ZNF143: variants seen among roughly 807,000 people sequenced by gnomAD.
The protein encoded by ZNF143 is SPH-binding factor.
In ZNF143, 49 loss-of-function variants were observed where a neutral mutation model predicts 74.1. That is an observed-to-expected ratio of 0.66 (90% CI 0.53 to 0.84). ZNF143 has a LOEUF of 0.84. ZNF143 is among the 40% of genes least tolerant of loss of function. The probability of loss-of-function intolerance (pLI) is 0.00; values close to 1 mark genes in which losing one functional copy is unlikely to be tolerated. For missense variants in ZNF143, 637 were observed against 793.4 expected (o/e 0.80, Z 2.37); for synonymous variants, 304 against 282.8 (o/e 1.07, Z -0.75).
chr11:9,487,498 C>T (rs1847605664), intron 7 of ZNF143, among the ~76,000 whole-genome samples: 1 of 151,304 alleles, frequency 6.6e-6, no homozygotes, highest in African/African-American at 2.5e-5. Context: ...GCTGGGACTA[C>T]AGGCGCCCAC....
chr11:9,522,403 A>G (rs1396920191), intron 14 of ZNF143, among the ~76,000 whole-genome samples: 2 of 151,906 alleles, frequency 1.3e-5, no homozygotes, highest in Non-Finnish European at 2.9e-5. Flanking sequence ...AAAAAAAAAA[A>G]TTTAAATTGT....
At chr11:9,479,997 A>C (rs1267842854) in intron 7 of ZNF143, among the ~76,000 whole-genome samples, 1 of 152,142 alleles carries the variant, frequency 6.6e-6, no homozygotes, top group Admixed American at 6.6e-5. Flanking sequence ...CAACTTCTGA[A>C]GGGAGAGTCC....
rs758635813 is a variant in ZNF143, at chr11:9,478,417, C to T, written c.401C>T (p.Ala134Val). Residue 134 changes from alanine (A) to valine (V), a missense_variant, in exon 6 of 16, where the codon GCG (alanine) becomes GTG (valine). Physicochemically the swap from Ala to Val is moderately conservative, Grantham distance 64 (BLOSUM62 0). This residue lies in a region of ZNF143 where 293 missense variants were observed against 307.8 expected (regional missense o/e 0.95). Transcript: ENST00000396602. ...KDSYDQSALQ[A>V]VQLEDGTTAY... Reference sequence around the variant, plus strand: ...AGTTATGACCAGAGTGCATTACAGGCGGTTCAGCTGGAAGATGGTACCACA... The same window carrying T: ...AGTTATGACCAGAGTGCATTACAGGTGGTTCAGCTGGAAGATGGTACCACA... The T allele has an allele frequency of 3.7e-6, 6 of 1,613,910 alleles. No homozygotes were observed. Among genetic ancestry groups the T allele is most frequent in the Non-Finnish European group, 8.5e-7 (1 of 1,179,974 alleles).
intron 1 of ZNF143, among the ~76,000 whole-genome samples, chr11:9,469,524 G>A (rs1352690782): frequency 6.6e-6 from 1 of 151,242 alleles, no homozygotes; most frequent in Non-Finnish European, 1.5e-5. Flanking sequence ...GAGCCACCGC[G>A]TGCAGCCCAC....
In ZNF143 at chr11:9,495,592, G is replaced by A. The variant is rs568486929; in HGVS notation, c.766-711G>A. Among the ~76,000 whole-genome samples, 3 of 152,160 alleles carry A rather than the reference G, an allele frequency of 2.0e-5. No individual in the cohort carries two copies. The South Asian group carries it at 6.2e-4, about 31-fold the overall frequency. ...TGCACTTAGCATATCTGGAGTAGTG[G>A]CCCTGGGGCCCATCTTCACTATTTA... is the stretch of plus-strand genomic sequence containing the variant. On this transcript the variant is annotated intron_variant, in intron 8 of 15. Transcript: ENST00000396602.
intron 1 of ZNF143, chr11:9,461,968 T>G (rs938535168): frequency 2.0e-5 from 3 of 152,240 alleles, no homozygotes; most frequent in African/African-American, 7.2e-5. Flanking sequence ...AATTGTAGGT[T>G]CGAGATTGTG....
rs1300378176 is a variant in ZNF143 at position 9,496,377 on chromosome 11, A to G, written c.840A>G (p.Thr280=). ...EHAGCGKAFA[T]GYGLKSHVRT... is the part of the protein sequence containing the mutation. Reference sequence around the variant, plus strand: ...CAGGCTGTGGGAAGGCATTTGCAACAGGTAAAAGTATGAATTTTGTTTTTT... The same window carrying G: ...CAGGCTGTGGGAAGGCATTTGCAACGGGTAAAAGTATGAATTTTGTTTTTT... Residue 280 remains threonine (T), a splice_region_variant and synonymous_variant, in exon 9 of 16, where the codon ACA becomes ACG. Transcript: ENST00000396602. 4 of 1,614,116 alleles carry G rather than the reference A, an allele frequency of 2.5e-6. No individual in the cohort carries two copies. Among genetic ancestry groups the G allele is most frequent in the Non-Finnish European group, 3.4e-6 (4 of 1,180,000 alleles).
At position 9,472,731 on chromosome 11, in the gene ZNF143, C is replaced by G. The variant is rs150984695; in HGVS notation, c.167C>G (p.Ala56Gly). The change falls in exon 3 of 16, where the codon GCA becomes GGA. Residue 56 changes from alanine (A) to glycine (G), a missense_variant. Around this residue, in one of 2 missense-constraint regions of ZNF143, gnomAD observed 293 missense variants for 307.8 expected, o/e 0.95. Coordinates refer to ENST00000396602, the MANE Select transcript of ZNF143 (RefSeq NM_003442.6). ...EGVSLQAVTL[A>G]DGSTAYIQHN... The stretch of plus-strand genomic sequence containing the variant: ...GTAAGCTTGCAAGCAGTAACACTTG[C>G]AGATGGTTCTACTGCTTACATACAA... 413 of 1,602,498 alleles carry G rather than the reference C, an allele frequency of 2.6e-4. 1 individual carries two copies. The highest frequency in any genetic ancestry group is 3.2e-4 in the Non-Finnish European group (379 of 1,176,238).
At chr11:9,474,762 G>A in intron 5 of ZNF143, 129 bp downstream of exon 5, 1 of 1,015,074 alleles carries the variant, frequency 9.9e-7, no homozygotes. Context: ...AGTACAAGGT[G>A]GCAGATTTAA....
intron 1 of ZNF143, among the ~76,000 whole-genome samples, chr11:9,464,086 T>TTGTG (rs144501900): frequency 0.071 from 8,828 of 124,008 alleles, 282 homozygotes; most frequent in South Asian, 0.096. Flanking sequence ...GTGTGTGTGT[T>TTGTG]TGTGTGTGTG....
chr11:9,489,343 C>G (rs960431054), intron 7 of ZNF143, among the ~76,000 whole-genome samples: 1 of 152,100 alleles, frequency 6.6e-6, no homozygotes, highest in Non-Finnish European at 1.5e-5. Flanking sequence ...ATGTCCCCAC[C>G]CCACAGGCAC....
In ZNF143 at chr11:9,474,002, A is replaced by T; in HGVS notation, c.267A>T (p.Gln89His). ...QLEDGSAAYV[Q>H]HVPIPKSTGD... ...AAGATGGTTCTGCGGCCTATGTTCA[A>T]CATGTACCCATACCTAAAAGTAGTA... Residue 89 changes from glutamine to histidine, a missense_variant, in exon 4 of 16, where the codon CAA becomes CAT. Gln to His is a conservative substitution (Grantham distance 24). This residue lies in a region of ZNF143 where 293 missense variants were observed against 307.8 expected (regional missense o/e 0.95). Transcript: ENST00000396602. 6.2e-7 allele frequency: 1 copy of T among 1,613,528 alleles called. No individual in the cohort carries two copies. Among genetic ancestry groups the T allele is most frequent in the East Asian group, 2.2e-5 (1 of 44,882 alleles).
At position 9,525,364 on chromosome 11, in the gene ZNF143, A is replaced by T; in HGVS notation, c.1811A>T (p.Asn604Ile). The T allele has an allele frequency of 5.6e-6, 9 of 1,614,126 alleles. No individual in the cohort carries two copies. Among genetic ancestry groups the T allele is most frequent in the Non-Finnish European group, 7.6e-6 (9 of 1,180,000 alleles). Reference protein sequence around the residue: ...TRPLTLVATSNGTQIAVQLGE... With the variant: ...TRPLTLVATSIGTQIAVQLGE... The stretch of plus-strand genomic sequence containing the variant: ...CCTCTGACCTTAGTAGCAACATCCA[A>T]TGGCACCCAGATTGCAGTTCAGGTG... The change falls in exon 15 of 16, where the codon AAT becomes ATT. Residue 604 changes from asparagine (N) to isoleucine (I), a missense_variant. Transcript: ENST00000396602.
chr11:9,476,650 G>A (rs1856909046), intron 5 of ZNF143, among the ~76,000 whole-genome samples: 1 of 150,732 alleles, frequency 6.6e-6, no homozygotes, highest in African/African-American at 2.4e-5. Context: ...GGGATTACAG[G>A]CATGAGCCAC....
chr11:9,463,422 C>T (rs1855990381), intron 1 of ZNF143, among the ~76,000 whole-genome samples: 1 of 152,204 alleles, frequency 6.6e-6, no homozygotes, highest in South Asian at 2.1e-4. Flanking sequence ...TCCAGTTTCT[C>T]CATATCCTTA....
rs1443586596 is a variant in ZNF143 at position 9,465,534 on chromosome 11, CT to C, written c.-8+4459del. 3.3e-5 allele frequency among the ~76,000 whole-genome samples: 5 copies of C among 151,906 alleles called. No homozygotes were observed. In the East Asian group the frequency reaches 7.7e-4, roughly 24 times the overall value. On this transcript the variant is annotated intron_variant, in intron 1 of 15. Coordinates refer to ENST00000396602, the MANE Select transcript of ZNF143 (RefSeq NM_003442.6). ...ATTTTTTCTGAAATGGAGTCTCACT[CT>C]GTCGCCCAGGCTGGAGTGCAGTGGC...
chr11:9,523,015 C>T (rs1449893321), intron 14 of ZNF143, among the ~76,000 whole-genome samples: 6 of 152,184 alleles, frequency 3.9e-5, no homozygotes, highest in African/African-American at 1.4e-4. Flanking sequence ...GTGATCCACC[C>T]ACCTCGGCCT....
At chr11:9,508,929 T>C in intron 12 of ZNF143, 83 bp downstream of exon 12, 1 of 1,386,478 alleles carries the variant, frequency 7.2e-7, no homozygotes, top group Non-Finnish European at 9.9e-7. Context: ...TAGCATTTTC[T>C]GAAATCCTAA....
chr11:9,501,167 T>C lies in ZNF143; in HGVS notation c.1044T>C (p.Val348=). The C allele has an allele frequency of 6.2e-7, 1 of 1,614,162 alleles. No individual in the cohort carries two copies. Among genetic ancestry groups the C allele is most frequent in the South Asian group, 1.1e-5 (1 of 91,078 alleles). The change falls in exon 11 of 16, where the codon GTT becomes GTC. Residue 348 remains valine (V), a synonymous_variant. Coordinates refer to ENST00000396602, the MANE Select transcript of ZNF143 (RefSeq NM_003442.6). ...CATCAAATATCAGAAAAGTGCACGTTAGGACACACACAGGAGAAAGACCTT... is the reference window on the plus strand; with the variant it reads ...CATCAAATATCAGAAAAGTGCACGTCAGGACACACACAGGAGAAAGACCTT... The part of the protein sequence containing the change: ...FTTSNIRKVH[V]RTHTGERPYY...
Sources: allele counts gnomAD v4.1 joint callset (sites outside exome capture counted in the v4.1 genomes callset), GRCh38; gene constraint gnomAD v4.1.1; regional missense constraint gnomAD v4.1.1; transcripts MANE v1.5; gene names NCBI Gene and HGNC (gene_info 2026-07-23, HGNC 2026-07-21).